Variants in CDCP2 observed in about 807,000 individuals in gnomAD.
The protein encoded by CDCP2 is CUB domain containing protein 2, also known as CUB domain-containing protein 2.
In CDCP2, 31 loss-of-function variants were observed where a neutral mutation model predicts 31.0. The ratio of observed to expected loss-of-function variants is 1.00; its 90% CI spans 0.75 to 1.35. The LOEUF (loss-of-function observed/expected upper bound fraction) is 1.35. CDCP2 is among the 40% of genes most tolerant of loss of function. The probability of loss-of-function intolerance (pLI) is 0.00; values close to 1 mark genes in which losing one functional copy is unlikely to be tolerated. For missense variants in CDCP2, 443 were observed against 482.6 expected, an observed-to-expected ratio of 0.92 and a Z score of 0.77; for synonymous variants, 206 against 207.9, an observed-to-expected ratio of 0.99 and a Z score of 0.08.
At chr1:54,146,790 G>A (rs950704431) in intron 1 of CDCP2, among the ~76,000 whole-genome samples, 1 of 151,766 alleles carries the variant, frequency 6.6e-6, no homozygotes, top group African/African-American at 2.4e-5. Context: ...TGCTGAGATT[G>A]TGTGGAAAGA....
intron 1 of CDCP2, among the ~76,000 whole-genome samples, chr1:54,150,182 G>C (rs1486147227): frequency 6.6e-6 from 1 of 152,238 alleles, no homozygotes; most frequent in Non-Finnish European, 1.5e-5. Flanking sequence ...GTTCTGCTCA[G>C]AATGCCCAGA....
intron 5 of CDCP2, among the ~76,000 whole-genome samples, chr1:54,133,897 A>AAAAT (rs1659212613): frequency 3.0e-5 from 1 of 33,366 alleles, no homozygotes; most frequent in African/African-American, 5.7e-5. Flanking sequence ...CTCCATCTCA[A>AAAAT]AAACAAACAA....
chr1:54,136,200 T>C (rs1361742470), intron 5 of CDCP2, among the ~76,000 whole-genome samples: 2 of 152,092 alleles, frequency 1.3e-5, no homozygotes, highest in Non-Finnish European at 2.9e-5. Flanking sequence ...CCCACACAGC[T>C]CTGCATACTA....
At chr1:54,144,545 G>C in exon 2 of CDCP2, 1 of 1,613,290 alleles carries the variant, frequency 6.2e-7, no homozygotes, top group Non-Finnish European at 8.5e-7. Flanking sequence ...CATGCCAGGA[G>C]GAGGTGAAGG....
chr1:54,150,455 C>G (rs970471982), intron 1 of CDCP2, among the ~76,000 whole-genome samples: 3 of 151,998 alleles, frequency 2.0e-5, no homozygotes, highest in African/African-American at 7.3e-5. Flanking sequence ...ATTGGCCAGG[C>G]ATGTTGGCGG....
intron 4 of CDCP2, chr1:54,139,461 A>G (rs1338334415): frequency 7.3e-7 from 1 of 1,361,074 alleles, no homozygotes; most frequent in African/African-American, 1.5e-5. Context: ...TAACAACACA[A>G]GAGGGGCCAG....
exon 1 of CDCP2, chr1:54,152,907 CCCA>C: frequency 6.2e-7 from 1 of 1,614,202 alleles, no homozygotes; most frequent in Non-Finnish European, 8.5e-7. Context: ...AGGCAAGCCC[CCCA>C]CTCTGCCAGC....
At chr1:54,144,097 G>A in intron 2 of CDCP2, 1 of 188,412 alleles carries the variant, frequency 5.3e-6, no homozygotes, top group Non-Finnish European at 1.1e-5. Context: ...CCTCATTCCT[G>A]AGCGCAGTGC....
chr1:54,147,178 C>G (rs1467112145), intron 1 of CDCP2, among the ~76,000 whole-genome samples: 1 of 148,986 alleles, frequency 6.7e-6, no homozygotes, highest in Admixed American at 6.7e-5. Flanking sequence ...GAGAGTAATG[C>G]TTGCAGTGGA....
chr1:54,133,238 C>T lies in CDCP2; in HGVS notation c.1353G>A (p.Ala451=), dbSNP rs553317428. 22 of 399,024 alleles carry T rather than the reference C, an allele frequency of 5.5e-5. No homozygotes were observed. The East Asian group carries it at 6.4e-4, about 12-fold the overall frequency. The allele number at this position is 399,024 out of a possible 1,614,324, so 24.7% of individuals were successfully genotyped here. A position where few individuals can be genotyped will look rare whatever the true frequency, so the allele number is the denominator to read the frequency against. ...CGTACTCATGGATGTCCTCCCGCCC[C>T]GCGGCTGAGAAGTCGATGTACAGCA... The change falls in exon 6 of 6, where the codon GCG becomes GCA. Residue 451 remains alanine (A), a synonymous_variant. Transcript: ENST00000530059.
intron 2 of CDCP2, chr1:54,141,999 C>T (rs1659383785): frequency 6.6e-6 from 1 of 152,560 alleles, no homozygotes; most frequent in African/African-American, 2.4e-5. Context: ...GAGTGCCCTA[C>T]TGAGACTTCA....
intron 1 of CDCP2, among the ~76,000 whole-genome samples, chr1:54,147,404 T>C (rs1659493534): frequency 6.6e-6 from 1 of 151,802 alleles, no homozygotes; most frequent in African/African-American, 2.4e-5. Context: ...AAACTTATTG[T>C]CGGCCCAGGC....
At chr1:54,139,909 C>G in exon 4 of CDCP2, 1 of 1,614,156 alleles carries the variant, frequency 6.2e-7, no homozygotes, top group East Asian at 2.2e-5. Flanking sequence ...CCATCGAAGG[C>G]CGCCAGATGG....
chr1:54,135,099 A>G (rs933857809), intron 5 of CDCP2, among the ~76,000 whole-genome samples: 1 of 151,948 alleles, frequency 6.6e-6, no homozygotes, highest in Non-Finnish European at 1.5e-5. Context: ...CACTGGGGAA[A>G]GAAAGACTCC....
At chr1:54,139,389 AT>A (rs145224579) in intron 4 of CDCP2, 12 of 707,192 alleles carry the variant, frequency 1.7e-5, no homozygotes, top group Non-Finnish European at 2.8e-5. Flanking sequence ...AGTTATACCA[AT>A]TTTTTTGCCA....
At chr1:54,142,061 G>A (rs528084222) in intron 2 of CDCP2, 24 of 152,468 alleles carry the variant, frequency 1.6e-4, no homozygotes, top group African/African-American at 5.3e-4. Flanking sequence ...GCACATCGAC[G>A]TGGCAGGGCC....
At chr1:54,145,298 C>T (rs977653154) in intron 1 of CDCP2, among the ~76,000 whole-genome samples, 7 of 152,036 alleles carry the variant, frequency 4.6e-5, no homozygotes, top group East Asian at 1.9e-4. Flanking sequence ...TGGTGGTGCG[C>T]GCCTGTAGTC....
chr1:54,141,650 G>T, intron 2 of CDCP2: 1 of 512,738 alleles, frequency 2.0e-6, no homozygotes, highest in Non-Finnish European at 3.4e-6. Flanking sequence ...CAGAGTAGCC[G>T]CACAAGGACT....
At chr1:54,135,647 C>A (rs890233810) in intron 5 of CDCP2, among the ~76,000 whole-genome samples, 2 of 152,074 alleles carry the variant, frequency 1.3e-5, no homozygotes, top group South Asian at 4.1e-4. Flanking sequence ...CTGTCCCAGA[C>A]AAAAGCTCTG....
Sources: gnomAD v4.1 joint callset for allele counts (sites outside exome capture counted in the v4.1 genomes callset) on GRCh38, gnomAD v4.1.1 for gene constraint, MANE v1.5 for transcripts, NCBI Gene and HGNC (gene_info 2026-07-23, HGNC 2026-07-21) for gene names.